MOCS2: variants seen among roughly 807,000 people sequenced by gnomAD.
MOCS2 encodes the protein molybdenum cofactor synthesis 2.
In MOCS2, 13 loss-of-function variants were observed where a neutral mutation model predicts 21.9. The observed-to-expected ratio is 0.59, with a 90% CI of 0.39 to 0.94. MOCS2 has a LOEUF of 0.94. Among genes scored for constraint, MOCS2 ranks in the 40% least tolerant of loss-of-function variants. The pLI is 0.00. For missense variants in MOCS2, 227 were observed against 218.3 expected (o/e 1.04, Z -0.25); for synonymous variants, 92 against 80.8 (o/e 1.14, Z -0.74).
chr5:53,107,269 T>A (rs1741076891), intron 2 of MOCS2, 48 bp from the exon 3 acceptor site: 2 of 1,532,032 alleles, frequency 1.3e-6, no homozygotes, highest in East Asian at 4.7e-5. Context: ...ATGATAGACC[T>A]CAAATCGCTT....
chr5:53,102,776 G>A (rs1284354798), intron 3 of MOCS2, among the ~76,000 whole-genome samples: 5 of 151,806 alleles, frequency 3.3e-5, no homozygotes, highest in East Asian at 1.9e-4. Context: ...GTGAAACCCC[G>A]TCTCTACTAA....
chr5:53,100,294 A>C (rs1179609558), intron 6 of MOCS2, 117 bp downstream of exon 6: 1 of 1,171,862 alleles, frequency 8.5e-7, no homozygotes, highest in East Asian at 2.4e-5. Context: ...TATTTCACAG[A>C]TAAAGAAAAC....
intron 3 of MOCS2, among the ~76,000 whole-genome samples, chr5:53,104,076 A>C (rs1740990152): frequency 6.6e-6 from 1 of 152,224 alleles, no homozygotes; most frequent in Admixed American, 6.5e-5. Flanking sequence ...AGAGAAGTTA[A>C]GGAACTCACT....
Position 53,107,111 on chromosome 5 carries a change from G to A in MOCS2, c.64C>T (p.Pro22Ser), listed in dbSNP as rs995972455. The part of the protein sequence containing the change: ...SLETKLPLSP[P>S]LVEDSAFEPS... ...TCAAAAGCACTATCCTCCACTAATG[G>A]GGGGGATAACGGCAATTTCGTCTCC... The change falls in exon 3 of 7, where the codon CCA (proline) becomes TCA (serine). Residue 22 changes from proline (P) to serine (S), a missense_variant. Transcript: ENST00000396954. 1.2e-6 allele frequency: 2 copies of A among 1,613,998 alleles called. No individual in the cohort carries two copies. Among genetic ancestry groups the A allele is most frequent in the Non-Finnish European group, 1.7e-6 (2 of 1,179,956 alleles).
chr5:53,097,188 C>CT lies in MOCS2; in HGVS notation c.*1413dup, dbSNP rs979207820. On this transcript the variant is annotated 3_prime_UTR_variant, in exon 7 of 7. Transcript: ENST00000396954. ...CCTTCCAGTATCCTTCTGGCCCAATCTCTCCAGACGGACTAATGAACAAGC... is the reference window on the plus strand; with the variant it reads ...CCTTCCAGTATCCTTCTGGCCCAATCTTCTCCAGACGGACTAATGAACAAGC... 2.2e-4 allele frequency: 33 copies of CT among 152,364 alleles called. No homozygotes were observed. Among genetic ancestry groups the CT allele is most frequent in the African/African-American group, 7.0e-4 (29 of 41,564 alleles). 9.4% of individuals were successfully genotyped at this position (152,364 alleles called of 1,614,324 possible).
chr5:53,098,852 A>C (rs1226826565), intron 6 of MOCS2, 185 bp from the exon 7 acceptor site: 2 of 604,816 alleles, frequency 3.3e-6, no homozygotes, highest in Non-Finnish European at 2.9e-6. Flanking sequence ...TTAGTTTTAA[A>C]CATTTTTTTT....
rs567430116 is a variant in MOCS2, at chr5:53,097,057, C to G, written c.*1545G>C. 3 of 152,262 alleles carry G rather than the reference C, an allele frequency of 2.0e-5. No individual in the cohort carries two copies. The highest frequency in any genetic ancestry group is 4.4e-5 in the Non-Finnish European group (3 of 68,112). 9.4% of individuals were successfully genotyped at this position (152,262 alleles called of 1,614,324 possible). On this transcript the variant is annotated 3_prime_UTR_variant, in exon 7 of 7. Coordinates refer to ENST00000396954, the MANE Select transcript of MOCS2 (RefSeq NM_004531.5). The stretch of plus-strand genomic sequence containing the variant: ...ACCCCTTCTCTCCAATGGGGACAGG[C>G]GGAAGCTCGATGGCAAGCCAGAGTG...
At chr5:53,108,208 T>G (rs1579937135) in intron 2 of MOCS2, 1 of 235,982 alleles carries the variant, frequency 4.2e-6, no homozygotes, top group East Asian at 1.3e-4. Flanking sequence ...AGCACACATT[T>G]TTAACAGAAT....
intron 5 of MOCS2, chr5:53,100,822 C>T: frequency 2.4e-6 from 1 of 418,414 alleles, no homozygotes; most frequent in Middle Eastern, 7.3e-4. Context: ...TCTGACTCAA[C>T]AAGGCACAGT....
At chr5:53,100,138 T>C (rs1212850013) in intron 6 of MOCS2, among the ~76,000 whole-genome samples, 1 of 152,210 alleles carries the variant, frequency 6.6e-6, no homozygotes, top group East Asian at 1.9e-4. Flanking sequence ...AAGGGAATTA[T>C]AATCCAAGGA....
At chr5:53,108,204 C>T (rs886667076) in intron 2 of MOCS2, 4 of 229,762 alleles carry the variant, frequency 1.7e-5, no homozygotes, top group African/African-American at 9.3e-5. Flanking sequence ...TTAAAGCACA[C>T]ATTTTTAACA....
At chr5:53,107,356 T>C (rs1741079414) in intron 2 of MOCS2, 135 bp from the exon 3 acceptor site, 2 of 798,884 alleles carry the variant, frequency 2.5e-6, no homozygotes, top group Admixed American at 2.3e-5. Context: ...AATTTACACA[T>C]AGTATATGGA....
intron 5 of MOCS2, 132 bp from the exon 6 acceptor site, chr5:53,100,666 C>T: frequency 1.1e-6 from 1 of 945,320 alleles, no homozygotes; most frequent in Non-Finnish European, 1.6e-6. Flanking sequence ...TTTACGTAAA[C>T]ATACAGTTAG....
chr5:53,103,148 T>C (rs1220289046), intron 3 of MOCS2, among the ~76,000 whole-genome samples: 1 of 152,044 alleles, frequency 6.6e-6, no homozygotes, highest in African/African-American at 2.4e-5. Context: ...ATGATAAAAA[T>C]AAGCAAGTGT....
At position 53,108,538 on chromosome 5, in the gene MOCS2, C is replaced by T; in HGVS notation, c.-64G>A. ...TTTAACTACCCAGGATGTCGAGTTT[C>T]TATCTCCTTCCACAGCTGCAACGCT... On this transcript the variant is annotated 5_prime_UTR_variant, in exon 2 of 7. Coordinates refer to ENST00000396954, the MANE Select transcript of MOCS2 (RefSeq NM_004531.5). 2.5e-6 allele frequency: 4 copies of T among 1,613,470 alleles called. No individual in the cohort carries two copies. The highest frequency in any genetic ancestry group is 1.1e-5 in the South Asian group (1 of 90,918).
At chr5:53,107,302 A>G in intron 2 of MOCS2, 81 bp from the exon 3 acceptor site, 5 of 1,289,260 alleles carry the variant, frequency 3.9e-6, no homozygotes, top group Non-Finnish European at 5.4e-6. Context: ...GAGATATTAC[A>G]TAGATATAAT....
chr5:53,106,634 C>T (rs1383846953), intron 3 of MOCS2, among the ~76,000 whole-genome samples: 3 of 152,106 alleles, frequency 2.0e-5, no homozygotes, highest in African/African-American at 7.2e-5. Context: ...ATTATCTGTA[C>T]AAGAAACCGC....
chr5:53,100,000 AT>A (rs112807613), intron 6 of MOCS2, among the ~76,000 whole-genome samples: 41 of 150,996 alleles, frequency 2.7e-4, no homozygotes, highest in African/African-American at 8.3e-4. Flanking sequence ...ATATCTCACC[AT>A]TTTTTTTTCT....
intron 3 of MOCS2, among the ~76,000 whole-genome samples, chr5:53,105,699 A>T (rs1000237662): frequency 2.6e-5 from 4 of 152,332 alleles, no homozygotes; most frequent in Non-Finnish European, 4.4e-5. Flanking sequence ...CTCAAAAAGC[A>T]ATTGCAGCAA....
Sources: gnomAD v4.1 joint callset for allele counts (sites outside exome capture counted in the v4.1 genomes callset) on GRCh38, gnomAD v4.1.1 for gene constraint, MANE v1.5 for transcripts, NCBI Gene and HGNC (gene_info 2026-07-23, HGNC 2026-07-21) for gene names.